ANKIB1: variants seen among roughly 807,000 people sequenced by gnomAD.
ANKIB1 encodes ankyrin repeat and IBR domain containing 1.
Under a neutral mutation model 122.1 loss-of-function variants are expected in ANKIB1, and 43 were observed. The observed-to-expected ratio is 0.35, with a 90% CI of 0.28 to 0.45. The LOEUF is 0.45. Among genes scored for constraint, ANKIB1 ranks in the 20% least tolerant of loss-of-function variants. The probability of loss-of-function intolerance (pLI) is 1.00; values close to 1 mark genes in which losing one functional copy is unlikely to be tolerated. For missense variants in ANKIB1, 992 were observed against 1,329.5 expected, an observed-to-expected ratio of 0.75 and a Z score of 3.95; for synonymous variants, 390 against 442.0, an observed-to-expected ratio of 0.88 and a Z score of 1.48.
intron 1 of ANKIB1, among the ~76,000 whole-genome samples, chr7:92,278,993 C>T (rs548856398): frequency 2.6e-5 from 4 of 152,244 alleles, no homozygotes; most frequent in South Asian, 2.1e-4. Flanking sequence ...TACTAGAGAC[C>T]GCTTATGTGA....
At position 92,327,773 on chromosome 7, in the gene ANKIB1, C is replaced by G. The variant is rs1345098485; in HGVS notation, c.670-10C>G. ...ATGCCCATTTAACTTTATTTTTTTT[C>G]TTTTCAAAGCCATATGAAGGATTAA... On this transcript the variant is annotated splice_polypyrimidine_tract_variant and intron_variant, in intron 4 of 19. Transcript: ENST00000265742. 2 of 1,490,162 alleles carry G rather than the reference C, an allele frequency of 1.3e-6. No individual in the cohort carries two copies. The highest frequency in any genetic ancestry group is 1.4e-5 in the African/African-American group (1 of 69,222). The allele number at this position is 1,490,162 out of a possible 1,614,324, so 92.3% of individuals were successfully genotyped here.
intron 17 of ANKIB1, chr7:92,395,752 T>TC (rs1804876268): frequency 6.6e-6 from 1 of 152,162 alleles, no homozygotes; most frequent in Admixed American, 6.6e-5. Flanking sequence ...TTGGCCAGGC[T>TC]GGTCTCAAAT....
chr7:92,393,102 T>C (rs1305603145), intron 17 of ANKIB1, among the ~76,000 whole-genome samples: 2 of 152,208 alleles, frequency 1.3e-5, no homozygotes, highest in East Asian at 3.9e-4. Context: ...AATGAGGAAA[T>C]CTTTGTTTGT....
chr7:92,307,071 T>C (rs1417293497), intron 2 of ANKIB1, among the ~76,000 whole-genome samples: 1 of 152,208 alleles, frequency 6.6e-6, no homozygotes, highest in Non-Finnish European at 1.5e-5. Context: ...TCACCTGTTA[T>C]ATTTCTCATC....
At chr7:92,319,777 T>A in intron 4 of ANKIB1, 1 of 334,272 alleles carries the variant, frequency 3.0e-6, no homozygotes, top group Non-Finnish European at 5.4e-6. Flanking sequence ...CTACAAAAAA[T>A]TTTAAAAATT....
chr7:92,372,393 A>G (rs1726631610), intron 11 of ANKIB1, among the ~76,000 whole-genome samples: 1 of 152,124 alleles, frequency 6.6e-6, no homozygotes, highest in Non-Finnish European at 1.5e-5. Flanking sequence ...ATAATACACC[A>G]TTTTTTGTCG....
chr7:92,305,215 AGTT>A (rs1386289009), intron 2 of ANKIB1, among the ~76,000 whole-genome samples: 1 of 152,148 alleles, frequency 6.6e-6, no homozygotes, highest in Admixed American at 6.5e-5. Context: ...ATCATATATT[AGTT>A]GTTAGGAGCT....
intron 1 of ANKIB1, among the ~76,000 whole-genome samples, chr7:92,278,357 A>C (rs572701824): frequency 1.6e-4 from 25 of 152,240 alleles, no homozygotes; most frequent in Non-Finnish European, 2.8e-4. Context: ...AGGTGTAATC[A>C]TAGGCTCAGC....
Position 92,311,053 on chromosome 7 carries a change from A to AT in ANKIB1, c.486+3405dup, listed in dbSNP as rs1189320209. ...GTTTACTGTCATAGTTAATTTAAAT[A>AT]TTTTTTTTCTAAACATTTCTTTGTA... On this transcript the variant is annotated intron_variant, in intron 3 of 19. Coordinates refer to ENST00000265742, the MANE Select transcript of ANKIB1 (RefSeq NM_019004.2). 6.6e-5 allele frequency among the ~76,000 whole-genome samples: 10 copies of AT among 152,042 alleles called. No homozygotes were observed. In the East Asian group the frequency reaches 1.2e-3, roughly 18 times the overall value.
chr7:92,283,362 A>G (rs917825328), intron 1 of ANKIB1, among the ~76,000 whole-genome samples: 2 of 152,202 alleles, frequency 1.3e-5, no homozygotes, highest in African/African-American at 4.8e-5. Context: ...GTTTTCCTGC[A>G]AACTGGGTAT....
intron 9 of ANKIB1, among the ~76,000 whole-genome samples, chr7:92,359,112 T>G (rs1336634285): frequency 6.6e-6 from 1 of 152,230 alleles, no homozygotes; most frequent in Non-Finnish European, 1.5e-5. Context: ...GTTGTACATG[T>G]GCAGAACATG....
chr7:92,394,101 A>T (rs1045592769), intron 17 of ANKIB1, among the ~76,000 whole-genome samples: 1 of 152,188 alleles, frequency 6.6e-6, no homozygotes, highest in African/African-American at 2.4e-5. Flanking sequence ...TCAAGTTCTA[A>T]GTGTAACTTA....
At chr7:92,361,593 G>A (rs1803945809) in intron 9 of ANKIB1, among the ~76,000 whole-genome samples, 1 of 152,016 alleles carries the variant, frequency 6.6e-6, no homozygotes, top group South Asian at 2.1e-4. Context: ...ATGTTTTAAA[G>A]CTCTGAAGGC....
chr7:92,323,764 A>T (rs934543487), intron 4 of ANKIB1, among the ~76,000 whole-genome samples: 9 of 152,226 alleles, frequency 5.9e-5, no homozygotes, highest in Non-Finnish European at 1.2e-4. Context: ...ACTCAGCCAT[A>T]AAAAGGAATG....
At chr7:92,309,962 T>TATATATATATATAAAAAA (rs1030276754) in intron 3 of ANKIB1, among the ~76,000 whole-genome samples, 1 of 139,430 alleles carries the variant, frequency 7.2e-6, no homozygotes, top group African/African-American at 2.7e-5. Context: ...TATATATATA[T>TATATATATATATAAAAAA]AAATTAAATG....
Position 92,315,077 on chromosome 7 carries a change from C to T in ANKIB1, c.487-4253C>T, listed in dbSNP as rs1585103215. ...TAATATTGACAATAGTGAGCTCTCTCTTTTTGATTTGTGTACATTCTCTAT... is the reference window on the plus strand; with the variant it reads ...TAATATTGACAATAGTGAGCTCTCTTTTTTTGATTTGTGTACATTCTCTAT... On this transcript the variant is annotated intron_variant, in intron 3 of 19. Coordinates refer to ENST00000265742, the MANE Select transcript of ANKIB1 (RefSeq NM_019004.2). 2.0e-5 allele frequency among the ~76,000 whole-genome samples: 3 copies of T among 152,092 alleles called. No homozygotes were observed. The East Asian group carries it at 5.8e-4, about 29-fold the overall frequency.
intron 8 of ANKIB1, 27 bp from the exon 9 acceptor site, chr7:92,352,449 T>C: frequency 1.2e-6 from 2 of 1,608,910 alleles, no homozygotes; most frequent in Non-Finnish European, 1.7e-6. Context: ...TATTTTCTTT[T>C]GTGTTTTGTT....
intron 11 of ANKIB1, among the ~76,000 whole-genome samples, chr7:92,376,185 G>A (rs549117167): frequency 6.6e-6 from 1 of 152,090 alleles, no homozygotes; most frequent in African/African-American, 2.4e-5. Flanking sequence ...ATGAGCATTG[G>A]CTTCAACTTA....
chr7:92,305,187 C>T (rs1006971245), intron 2 of ANKIB1, among the ~76,000 whole-genome samples: 1 of 152,056 alleles, frequency 6.6e-6, no homozygotes, highest in Non-Finnish European at 1.5e-5. Flanking sequence ...AGTAGTTTTA[C>T]TCAGTCAAAG....
Sources: allele counts gnomAD v4.1 joint callset (sites outside exome capture counted in the v4.1 genomes callset), GRCh38; gene constraint gnomAD v4.1.1; transcripts MANE v1.5; gene names NCBI Gene and HGNC (gene_info 2026-07-23, HGNC 2026-07-21).